IFT57: variants seen among roughly 807,000 people sequenced by gnomAD.
The protein encoded by IFT57 is intraflagellar transport protein 57 homolog.
Under a neutral mutation model 56.8 loss-of-function variants are expected in IFT57, and 59 were observed. That is an observed-to-expected ratio of 1.04 (90% CI 0.84 to 1.29). IFT57 has a LOEUF of 1.29. IFT57 is among the 50% of genes most tolerant of loss of function. IFT57 has a pLI of 0.00. For synonymous variants in IFT57, 209 were observed against 186.1 expected, an observed-to-expected ratio of 1.12 and a Z score of -1.00; for missense variants, 470 against 522.1, an observed-to-expected ratio of 0.90 and a Z score of 0.97.
chr3:108,221,291 G>C (rs1414344993), intron 1 of IFT57, among the ~76,000 whole-genome samples: 1 of 152,186 alleles, frequency 6.6e-6, no homozygotes, highest in Non-Finnish European at 1.5e-5. Context: ...ATATACAAAT[G>C]TAAGTATTAA....
intron 6 of IFT57, among the ~76,000 whole-genome samples, chr3:108,185,768 C>T (rs1023043735): frequency 2.0e-5 from 3 of 152,026 alleles, no homozygotes; most frequent in African/African-American, 7.2e-5. Context: ...TATTTATAAA[C>T]TGCTAACCCC....
chr3:108,180,054 C>G (rs1342092436), intron 6 of IFT57, among the ~76,000 whole-genome samples: 1 of 151,964 alleles, frequency 6.6e-6, no homozygotes, highest in Non-Finnish European at 1.5e-5. Context: ...AAACACTGTA[C>G]ATCATCGGTA....
chr3:108,181,369 A>G (rs1184125907), intron 6 of IFT57, among the ~76,000 whole-genome samples: 2 of 152,064 alleles, frequency 1.3e-5, no homozygotes, highest in Non-Finnish European at 2.9e-5. Context: ...CATGAAACAA[A>G]CAAACAGCTG....
At chr3:108,174,208 A>ATAAT (rs1046552825) in intron 6 of IFT57, among the ~76,000 whole-genome samples, 7 of 151,784 alleles carry the variant, frequency 4.6e-5, no homozygotes, top group Non-Finnish European at 1.0e-4. Context: ...TAATATAGTT[A>ATAAT]TAATGGAAAA....
intron 4 of IFT57, among the ~76,000 whole-genome samples, chr3:108,208,618 A>G (rs1174023656): frequency 6.6e-6 from 1 of 152,208 alleles, no homozygotes; most frequent in Non-Finnish European, 1.5e-5. Context: ...GTAGCCCACT[A>G]GCAAAATTCT....
chr3:108,184,212 C>T (rs2080166652), intron 6 of IFT57, among the ~76,000 whole-genome samples: 1 of 152,120 alleles, frequency 6.6e-6, no homozygotes. Context: ...GAATTTCTGG[C>T]TGCATCTTTA....
intron 6 of IFT57, among the ~76,000 whole-genome samples, chr3:108,183,626 C>T (rs575591092): frequency 1.3e-5 from 2 of 152,250 alleles, no homozygotes; most frequent in South Asian, 4.1e-4. Context: ...TTCCTACCTG[C>T]TTTTGAGTCT....
At chr3:108,218,463 G>T in intron 3 of IFT57, 72 bp downstream of exon 3, 3 of 585,222 alleles carry the variant, frequency 5.1e-6, no homozygotes, top group South Asian at 3.0e-5. Flanking sequence ...ATGTTCAATT[G>T]AACAGCTCTG....
intron 6 of IFT57, among the ~76,000 whole-genome samples, chr3:108,174,880 G>A (rs912608940): frequency 2.0e-5 from 3 of 151,828 alleles, no homozygotes; most frequent in East Asian, 1.9e-4. Flanking sequence ...GATATGTATT[G>A]TATGTGAAAA....
At chr3:108,205,926 TA>T (rs2080308187) in intron 5 of IFT57, among the ~76,000 whole-genome samples, 1 of 123,572 alleles carries the variant, frequency 8.1e-6, no homozygotes, top group South Asian at 2.5e-4. Flanking sequence ...ATATTATTTA[TA>T]ATATATAAAT....
At chr3:108,211,978 A>G (rs548622714) in intron 4 of IFT57, among the ~76,000 whole-genome samples, 1 of 152,232 alleles carries the variant, frequency 6.6e-6, no homozygotes, top group African/African-American at 2.4e-5. Context: ...TTTTCTTTGT[A>G]AACTTTGTAA....
chr3:108,211,215 C>A (rs1560126020), intron 4 of IFT57, among the ~76,000 whole-genome samples: 1 of 151,998 alleles, frequency 6.6e-6, no homozygotes, highest in African/African-American at 2.4e-5. Flanking sequence ...TAGTTATATG[C>A]CTTTGAAGTT....
intron 6 of IFT57, among the ~76,000 whole-genome samples, chr3:108,172,381 T>C (rs1235660912): frequency 6.6e-6 from 1 of 151,862 alleles, no homozygotes; most frequent in Non-Finnish European, 1.5e-5. Context: ...TTCAATTAGA[T>C]CAAGGGCTTT....
intron 6 of IFT57, among the ~76,000 whole-genome samples, chr3:108,170,009 A>G (rs1025527047): frequency 1.3e-5 from 2 of 152,046 alleles, no homozygotes; most frequent in Non-Finnish European, 2.9e-5. Context: ...CAAAATAATA[A>G]GAGCTATTTA....
At chr3:108,163,444 G>A (rs28494587) in intron 10 of IFT57, among the ~76,000 whole-genome samples, 1 of 151,972 alleles carries the variant, frequency 6.6e-6, no homozygotes, top group South Asian at 2.1e-4. Flanking sequence ...TAGTTTGAAT[G>A]TTAAAAACCT....
At chr3:108,176,856 T>C (rs2080126451) in intron 6 of IFT57, among the ~76,000 whole-genome samples, 2 of 151,836 alleles carry the variant, frequency 1.3e-5, no homozygotes, top group Admixed American at 1.3e-4. Context: ...ATAACTATAA[T>C]GTTAACATTC....
rs1040612826 is a variant in IFT57, at chr3:108,161,711, C to T, written c.*766G>A. On this transcript the variant is annotated 3_prime_UTR_variant, in exon 11 of 11. Transcript: ENST00000264538. ...ATCATCAGTACTAGAGGCTGATCTT[C>T]ATGCGACCTGTCATCGTTCCTTCTT... The T allele has an allele frequency of 1.3e-5, 2 of 152,122 alleles. No individual in the cohort carries two copies. Among genetic ancestry groups the T allele is most frequent in the African/African-American group, 4.8e-5 (2 of 41,422 alleles). The allele number at this position is 152,122 out of a possible 1,614,324, so 9.4% of individuals were successfully genotyped here.
intron 5 of IFT57, among the ~76,000 whole-genome samples, chr3:108,205,621 G>A (rs1452747468): frequency 6.6e-6 from 1 of 150,464 alleles, no homozygotes; most frequent in Non-Finnish European, 1.5e-5. Flanking sequence ...TTCATGATAT[G>A]AAACCAAAAC....
chr3:108,173,997 A>AAT (rs59994463), intron 6 of IFT57, among the ~76,000 whole-genome samples: 22,962 of 100,492 alleles, frequency 0.23, 3,199 homozygotes, highest in South Asian at 0.36. Context: ...CATATATTTG[A>AAT]GTGTGTGTGT....
Sources: gnomAD v4.1 joint callset for allele counts (sites outside exome capture counted in the v4.1 genomes callset) on GRCh38, gnomAD v4.1.1 for gene constraint, MANE v1.5 for transcripts, NCBI Gene and HGNC (gene_info 2026-07-23, HGNC 2026-07-21) for gene names.